The following SPIDR variants were observed in gnomAD, a reference collection of about 807,000 sequenced individuals.
SPIDR encodes scaffold protein involved in DNA repair.
A neutral mutation model predicts 104.6 loss-of-function variants in SPIDR; 93 were observed. That is an observed-to-expected ratio of 0.89 (90% CI 0.75 to 1.06). SPIDR has a LOEUF of 1.06. Among genes scored for constraint, SPIDR ranks in the 50% least tolerant of loss-of-function variants. SPIDR has a pLI of 0.00. For synonymous variants in SPIDR, 431 were observed against 416.9 expected, an observed-to-expected ratio of 1.03 and a Z score of -0.41; for missense variants, 1,154 against 1,111.2, an observed-to-expected ratio of 1.04 and a Z score of -0.55.
At chr8:47,358,764 G>A (rs782279313) in intron 5 of SPIDR, among the ~76,000 whole-genome samples, 1 of 152,142 alleles carries the variant, frequency 6.6e-6, no homozygotes, top group African/African-American at 2.4e-5. Flanking sequence ...AACATTTTAT[G>A]TCCATTTTCT....
intron 10 of SPIDR, among the ~76,000 whole-genome samples, chr8:47,645,374 G>C (rs560504371): frequency 2.6e-5 from 4 of 152,092 alleles, no homozygotes; most frequent in African/African-American, 9.7e-5. Context: ...TGTTGGACTG[G>C]TGGTGGTGTG....
At chr8:47,513,568 A>C (rs2082685910) in intron 8 of SPIDR, among the ~76,000 whole-genome samples, 1 of 152,216 alleles carries the variant, frequency 6.6e-6, no homozygotes, top group Non-Finnish European at 1.5e-5. Context: ...TATACATTGA[A>C]ATGGAAAGTT....
chr8:47,538,606 G>A (rs1005796796), intron 8 of SPIDR, among the ~76,000 whole-genome samples: 2 of 151,874 alleles, frequency 1.3e-5, no homozygotes, highest in East Asian at 1.9e-4. Context: ...TTTCTTTCTC[G>A]GTTTTGAGCA....
rs200240864 is a variant in SPIDR at position 47,728,937 on chromosome 8, G to A, written c.2440G>A (p.Ala814Thr). The change falls in exon 18 of 20, where the codon GCC (alanine) becomes ACC (threonine). Residue 814 changes from alanine (A) to threonine (T), a missense_variant. Coordinates refer to ENST00000297423, the MANE Select transcript of SPIDR (RefSeq NM_001080394.4). Reference protein sequence around the residue: ...RLEQRPEDRGAFSCGDCSRVV... With the variant: ...RLEQRPEDRGTFSCGDCSRVV... ...CCTTGGCTTTTCATATACCAGAGGC[G>A]CCTTTTCCTGTGGGGACTGCTCCCG... The A allele has an allele frequency of 1.1e-4, 181 of 1,608,946 alleles. No homozygotes were observed. The highest frequency in any genetic ancestry group is 1.1e-3 in the South Asian group (100 of 90,724).
At chr8:47,283,996 C>T in intron 2 of SPIDR, 32 bp from the exon 3 acceptor site, 1 of 1,532,984 alleles carries the variant, frequency 6.5e-7, no homozygotes, top group South Asian at 1.2e-5. Flanking sequence ...GCATTTGTCA[C>T]ATAAATTCCA....
chr8:47,579,102 T>C (rs2059441157), intron 8 of SPIDR, among the ~76,000 whole-genome samples: 1 of 152,204 alleles, frequency 6.6e-6, no homozygotes. Context: ...ACCCAGTCAC[T>C]AAATGGCTGG....
intron 10 of SPIDR, among the ~76,000 whole-genome samples, chr8:47,640,170 C>A (rs975002103): frequency 2.0e-5 from 3 of 152,198 alleles, no homozygotes; most frequent in Non-Finnish European, 2.9e-5. Context: ...CCATTCCTGC[C>A]ATTTAATGCT....
chr8:47,663,148 G>C (rs968868748), intron 10 of SPIDR, among the ~76,000 whole-genome samples: 1 of 152,180 alleles, frequency 6.6e-6, no homozygotes, highest in African/African-American at 2.4e-5. Context: ...TCTATTTTCA[G>C]TGTTCTCTCA....
At chr8:47,433,356 G>T (rs2067691524) in intron 7 of SPIDR, among the ~76,000 whole-genome samples, 1 of 152,114 alleles carries the variant, frequency 6.6e-6, no homozygotes, top group African/African-American at 2.4e-5. Context: ...TTCCCTGCTG[G>T]CTTCCCATCA....
intron 3 of SPIDR, among the ~76,000 whole-genome samples, chr8:47,290,380 A>G (rs2039690088): frequency 6.6e-6 from 1 of 152,160 alleles, no homozygotes; most frequent in Admixed American, 6.5e-5. Flanking sequence ...AAGGTAATAA[A>G]GGCATCCTGT....
intron 8 of SPIDR, among the ~76,000 whole-genome samples, chr8:47,448,297 T>G (rs1469702324): frequency 1.3e-5 from 2 of 152,210 alleles, no homozygotes; most frequent in African/African-American, 4.8e-5. Flanking sequence ...AACTATATGA[T>G]TAATATTGTA....
At chr8:47,481,102 A>G (rs2076853169) in intron 8 of SPIDR, among the ~76,000 whole-genome samples, 1 of 152,198 alleles carries the variant, frequency 6.6e-6, no homozygotes, top group African/African-American at 2.4e-5. Context: ...CACCGCTCTA[A>G]TGCTATCTTT....
At chr8:47,459,735 G>C (rs757647238) in intron 8 of SPIDR, among the ~76,000 whole-genome samples, 1 of 151,816 alleles carries the variant, frequency 6.6e-6, no homozygotes, top group Non-Finnish European at 1.5e-5. Flanking sequence ...TAGATTGTCT[G>C]TTTGTACTGT....
chr8:47,272,632 T>C (rs2035565930), intron 1 of SPIDR, among the ~76,000 whole-genome samples: 1 of 152,142 alleles, frequency 6.6e-6, no homozygotes, highest in African/African-American at 2.4e-5. Flanking sequence ...CTCGAGATGA[T>C]CCAGAGTTCA....
chr8:47,708,798 C>A (rs2081436392), intron 14 of SPIDR, among the ~76,000 whole-genome samples: 2 of 152,158 alleles, frequency 1.3e-5, no homozygotes, highest in Admixed American at 1.3e-4. Flanking sequence ...GGACTTCTTT[C>A]ACTTAATAAT....
At chr8:47,351,362 G>A (rs144798167) in intron 5 of SPIDR, among the ~76,000 whole-genome samples, 5 of 152,268 alleles carry the variant, frequency 3.3e-5, no homozygotes, top group Non-Finnish European at 7.4e-5. Context: ...TAAAAGCAGT[G>A]TGAAGAAGGT....
chr8:47,700,272 T>G (rs2079969731), intron 11 of SPIDR, 131 bp from the exon 12 acceptor site: 2 of 924,342 alleles, frequency 2.2e-6, no homozygotes, highest in East Asian at 4.8e-5. Flanking sequence ...CCCCTCTGAA[T>G]CGCCACACAT....
chr8:47,325,116 G>A (rs1261840264), intron 5 of SPIDR, among the ~76,000 whole-genome samples: 1 of 152,072 alleles, frequency 6.6e-6, no homozygotes, highest in Admixed American at 6.6e-5. Context: ...GTATAAATTT[G>A]GGAGGACACA....
At chr8:47,605,853 A>G (rs1470563442) in intron 10 of SPIDR, among the ~76,000 whole-genome samples, 2 of 152,246 alleles carry the variant, frequency 1.3e-5, no homozygotes, top group Non-Finnish European at 2.9e-5. Flanking sequence ...CATTGCTACA[A>G]TAATAGAAAC....
Sources: gnomAD v4.1 joint callset for allele counts (sites outside exome capture counted in the v4.1 genomes callset) on GRCh38, gnomAD v4.1.1 for gene constraint, MANE v1.5 for transcripts, NCBI Gene and HGNC (gene_info 2026-07-23, HGNC 2026-07-21) for gene names.